FAT2: variants seen among roughly 807,000 people sequenced by gnomAD.
The protein encoded by FAT2 is FAT atypical cadherin 2.
A neutral mutation model predicts 295.3 loss-of-function variants in FAT2; 150 were observed. The observed-to-expected ratio is 0.51, with a 90% confidence interval of 0.44 to 0.58. FAT2 has a LOEUF of 0.58. Among genes scored for constraint, FAT2 ranks in the 20% least tolerant of loss-of-function variants. The probability of loss-of-function intolerance (pLI) is 0.00; values close to 1 mark genes in which losing one functional copy is unlikely to be tolerated. For missense variants in FAT2, 4,868 were observed against 5,442.7 expected, an observed-to-expected ratio of 0.89 and a Z score of 3.32; for synonymous variants, 2,026 against 2,150.3, an observed-to-expected ratio of 0.94 and a Z score of 1.60.
At position 151,568,020 on chromosome 5, in the gene FAT2, C is replaced by A. The variant is rs754103933; in HGVS notation, c.912G>T (p.Lys304Asn). The A allele has an allele frequency of 1.7e-5, 27 of 1,614,218 alleles. No homozygotes were observed. The South Asian group carries it at 3.0e-4, about 18-fold the overall frequency. The part of the protein sequence containing the change: ...GDPGKHFKAI[K>N]SYARSNEFSL... The stretch of plus-strand genomic sequence containing the variant: ...TGAACTCATTGCTCCGGGCATAAGA[C>A]TTGATGGCTTTGAAGTGCTTTCCAG... The change falls in exon 2 of 24, where the codon AAG (lysine) becomes AAT (asparagine). Residue 304 changes from lysine to asparagine, a missense_variant. By Grantham distance (94) the Lys-to-Asn change is moderately conservative. Around this residue, in one of 5 missense-constraint regions of FAT2, gnomAD observed 3,297 missense variants for 3,669.4 expected, o/e 0.90. Coordinates refer to ENST00000261800, the MANE Select transcript of FAT2 (RefSeq NM_001447.3).
intron 3 of FAT2, among the ~76,000 whole-genome samples, chr5:151,558,130 C>T: frequency 6.6e-6 from 1 of 152,218 alleles, no homozygotes; most frequent in East Asian, 1.9e-4. Context: ...CTAAGGAAAT[C>T]AGTGCATACA....
At chr5:151,589,215 C>T (rs908678203) in intron 1 of FAT2, among the ~76,000 whole-genome samples, 4 of 152,160 alleles carry the variant, frequency 2.6e-5, no homozygotes, top group Non-Finnish European at 4.4e-5. Flanking sequence ...TGTCCCCAAC[C>T]GTACCAACTC....
Position 151,566,376 on chromosome 5 carries a change from A to G in FAT2, c.2556T>C (p.Asn852=), listed in dbSNP as rs145797056. ...LTTKDADSED[N]GRVRYTLLSP... ...TTAGCAGGGTGTAGCGAACCCTGCC[A>G]TTGTCTTCCGAGTCAGCATCTTTGG... The change falls in exon 2 of 24, where the codon AAT becomes AAC. Residue 852 remains asparagine, a synonymous_variant. Coordinates refer to ENST00000261800, the MANE Select transcript of FAT2 (RefSeq NM_001447.3). 220 of 1,613,968 alleles carry G rather than the reference A, an allele frequency of 1.4e-4. No homozygotes were observed. In the African/African-American group the frequency reaches 1.4e-3, roughly 10 times the overall value.
intron 4 of FAT2, among the ~76,000 whole-genome samples, chr5:151,555,639 G>A (rs751067925): frequency 3.9e-5 from 6 of 151,988 alleles, no homozygotes; most frequent in Non-Finnish European, 7.4e-5. Flanking sequence ...CAAAGTGCTG[G>A]GATTACAGGC....
Position 151,563,562 on chromosome 5 carries a change from C to T in FAT2, c.3337G>A (p.Gly1113Ser), listed in dbSNP as rs374886263. Residue 1113 changes from glycine to serine, a missense_variant, in exon 3 of 24, where the codon GGT becomes AGT. This residue lies in a region of FAT2 where 3,297 missense variants were observed against 3,669.4 expected (regional missense o/e 0.90). Transcript: ENST00000261800. ...YWLTVLAVDR[G>S]SVPLSSVTEV... ...GTTACAGAAGAGAGGGGCACAGAAC[C>T]CCTGTCCACTGCTAATACCGTCAAC... The T allele has an allele frequency of 1.5e-5, 25 of 1,614,008 alleles. No homozygotes were observed. In the African/African-American group the frequency reaches 2.0e-4, roughly 13 times the overall value.
In FAT2 at chr5:151,542,397, C is replaced by A; in HGVS notation, c.8730G>T (p.Glu2910Asp). Reference protein sequence around the residue: ...NDNAPRFASEEYRGSVVENSE... With the variant: ...NDNAPRFASEDYRGSVVENSE... ...TGTTCTCAACCACAGATCCTCTGTA[C>A]TCTTCAGAAGCAAATCGGGGAGCAT... The change falls in exon 10 of 24, where the codon GAG becomes GAT. Residue 2910 changes from glutamate to aspartate, a missense_variant. Around this residue, in one of 5 missense-constraint regions of FAT2, gnomAD observed 3,297 missense variants for 3,669.4 expected, o/e 0.90. Coordinates refer to ENST00000261800, the MANE Select transcript of FAT2 (RefSeq NM_001447.3). The A allele has an allele frequency of 6.2e-7, 1 of 1,614,214 alleles. No individual in the cohort carries two copies. Among genetic ancestry groups the A allele is most frequent in the Non-Finnish European group, 8.5e-7 (1 of 1,180,044 alleles).
chr5:151,544,299 G>C lies in FAT2; in HGVS notation c.6828C>G (p.Val2276=), dbSNP rs1423939724. Reference sequence around the variant, plus strand: ...AGCCTTCTGAGATGGAAGTGGTATAGACCAATTGGGAAAAAGTGGGAGGGT... The same window carrying C: ...AGCCTTCTGAGATGGAAGTGGTATACACCAATTGGGAAAAAGTGGGAGGGT... ...NDNPPTFSQL[V]YTTSISEGLP... The change falls in exon 10 of 24, where the codon GTC becomes GTG. Residue 2276 remains valine (V), a synonymous_variant. Transcript: ENST00000261800. 3.1e-6 allele frequency: 5 copies of C among 1,614,080 alleles called. No homozygotes were observed. The highest frequency in any genetic ancestry group is 1.7e-6 in the Non-Finnish European group (2 of 1,180,040).
intron 1 of FAT2, among the ~76,000 whole-genome samples, chr5:151,588,361 A>G (rs960940916): frequency 2.0e-5 from 3 of 152,212 alleles, no homozygotes; most frequent in Non-Finnish European, 4.4e-5. Flanking sequence ...AGGCAAGTCC[A>G]AGTTCTGCAT....
rs544647669 is a variant in FAT2 at position 151,533,894 on chromosome 5, C to G, written c.9427+515G>C. Among the ~76,000 whole-genome samples the G allele has an allele frequency of 4.6e-5, 7 of 152,104 alleles. No individual in the cohort carries two copies. The South Asian group carries it at 1.5e-3, about 32-fold the overall frequency. ...TGGAACAAATATGTTTGAATGAATG[C>G]AATTTACCTTGTAAATTTTAAAAGA... On this transcript the variant is annotated intron_variant, in intron 13 of 23. Coordinates refer to ENST00000261800, the MANE Select transcript of FAT2 (RefSeq NM_001447.3).
intron 1 of FAT2, among the ~76,000 whole-genome samples, chr5:151,576,433 A>G (rs1758749231): frequency 6.6e-6 from 1 of 152,224 alleles, no homozygotes. Flanking sequence ...CAATTAAGTT[A>G]TACTATAGGT....
At chr5:151,526,069 A>G in intron 17 of FAT2, 104 bp from the exon 18 acceptor site, 2 of 1,095,636 alleles carry the variant, frequency 1.8e-6, no homozygotes, top group Non-Finnish European at 2.7e-6. Flanking sequence ...CAGCACTCTG[A>G]CTGCTTGTAG....
chr5:151,544,376 C>G lies in FAT2; in HGVS notation c.6751G>C (p.Gly2251Arg), dbSNP rs1265040930. The change falls in exon 10 of 24, where the codon GGG becomes CGG. Residue 2251 changes from glycine (G) to arginine (R), a missense_variant. Coordinates refer to ENST00000261800, the MANE Select transcript of FAT2 (RefSeq NM_001447.3). ...TCCACTGTGGCTTCAGAAAATGACC[C>G]CAGAGCTGTATCCGTGGCTCTGACT... ...FTVRATDTAL[G>R]SFSEATVEVL... 3 of 1,614,148 alleles carry G rather than the reference C, an allele frequency of 1.9e-6. No individual in the cohort carries two copies. In the East Asian group the frequency reaches 6.7e-5, roughly 36 times the overall value.
chr5:151,567,117 A>G lies in FAT2; in HGVS notation c.1815T>C (p.Asn605=), dbSNP rs758593796. The stretch of plus-strand genomic sequence containing the variant: ...GATTTAGATCAAAATACTCTAGTTC[A>G]TTGCCTGATACAATCTCGTATTTTA... The part of the protein sequence containing the change: ...QNLKYEIVSG[N]ELEYFDLNHF... Residue 605 remains asparagine (N), a synonymous_variant, in exon 2 of 24, where the codon AAT becomes AAC. Coordinates refer to ENST00000261800, the MANE Select transcript of FAT2 (RefSeq NM_001447.3). 6.2e-6 allele frequency: 10 copies of G among 1,613,996 alleles called. No homozygotes were observed. Among genetic ancestry groups the G allele is most frequent in the South Asian group, 2.2e-5 (2 of 91,070 alleles).
intron 5 of FAT2, 32 bp downstream of exon 5, chr5:151,554,327 ACTC>A: frequency 6.3e-7 from 1 of 1,583,800 alleles, no homozygotes; most frequent in Non-Finnish European, 8.6e-7. Flanking sequence ...CCAGCATGCC[ACTC>A]CTCCCTCCGT....
At position 151,534,626 on chromosome 5, in the gene FAT2, G is replaced by A. The variant is rs766176972; in HGVS notation, c.9210C>T (p.Leu3070=). 2.5e-5 allele frequency: 40 copies of A among 1,610,308 alleles called. No individual in the cohort carries two copies. The highest frequency in any genetic ancestry group is 3.4e-5 in the Non-Finnish European group (40 of 1,177,020). ...LDPHTGELTT[L]TALDRERKDV... is the part of the protein sequence containing the mutation. ...CCTTCCTTTCTCGGTCTAGGGCAGTGAGTGTGGTCAGCTCCCCTGGTCGGA... is the reference window on the plus strand; with the variant it reads ...CCTTCCTTTCTCGGTCTAGGGCAGTAAGTGTGGTCAGCTCCCCTGGTCGGA... The change falls in exon 13 of 24, where the codon CTC becomes CTT. Residue 3070 remains leucine, a synonymous_variant. Coordinates refer to ENST00000261800, the MANE Select transcript of FAT2 (RefSeq NM_001447.3).
intron 3 of FAT2, among the ~76,000 whole-genome samples, chr5:151,558,772 TAG>T (rs1420639871): frequency 1.3e-5 from 2 of 152,108 alleles, no homozygotes; most frequent in Admixed American, 6.5e-5. Flanking sequence ...TGCAGATAAA[TAG>T]AGAGGGGGCT....
At chr5:151,552,591 C>CT (rs1757319603) in intron 6 of FAT2, among the ~76,000 whole-genome samples, 1 of 152,200 alleles carries the variant, frequency 6.6e-6, no homozygotes, top group Non-Finnish European at 1.5e-5. Context: ...GTGCACACAA[C>CT]TTTCTGGGAA....
At chr5:151,576,807 C>T (rs1278891019) in intron 1 of FAT2, among the ~76,000 whole-genome samples, 1 of 152,194 alleles carries the variant, frequency 6.6e-6, no homozygotes, top group South Asian at 2.1e-4. Flanking sequence ...GAGAAGTTTG[C>T]ACAAGTTTGT....
chr5:151,564,780 A>G lies in FAT2; in HGVS notation c.3259+893T>C, dbSNP rs77002066. On this transcript the variant is annotated intron_variant, in intron 2 of 23. Transcript: ENST00000261800. Reference sequence around the variant, plus strand: ...CCTCTGACCTAGAAACTTCATTTTTAAGAATTTTTCGGCCGGGCATGGTGG... The same window carrying G: ...CCTCTGACCTAGAAACTTCATTTTTGAGAATTTTTCGGCCGGGCATGGTGG... 2.0e-4 allele frequency among the ~76,000 whole-genome samples: 31 copies of G among 152,344 alleles called. No homozygotes were observed. The East Asian group carries it at 6.0e-3, about 29-fold the overall frequency.
Sources: allele counts gnomAD v4.1 joint callset (sites outside exome capture counted in the v4.1 genomes callset), GRCh38; gene constraint gnomAD v4.1.1; regional missense constraint gnomAD v4.1.1; transcripts MANE v1.5; gene names NCBI Gene and HGNC (gene_info 2026-07-23, HGNC 2026-07-21).